MGAM2: variants seen among roughly 807,000 people sequenced by gnomAD.
MGAM2 encodes the protein maltase-glucoamylase 2 (putative), also known as probable maltase-glucoamylase 2.
A neutral mutation model predicts 96.1 loss-of-function variants in MGAM2; 98 were observed. That is an observed-to-expected ratio of 1.02 (90% CI 0.87 to 1.21). The LOEUF is 1.21. Ranked by LOEUF, MGAM2 falls within the 50% of genes most tolerant of loss-of-function variation. The pLI, the probability that MGAM2 is intolerant of heterozygous loss-of-function variation, is 0.00. For synonymous variants in MGAM2, 749 were observed against 414.8 expected, an observed-to-expected ratio of 1.81 and a Z score of -9.79; for missense variants, 2,055 against 1,182.4, an observed-to-expected ratio of 1.74 and a Z score of -10.82.
intron 23 of MGAM2, among the ~76,000 whole-genome samples, chr7:142,163,369 C>T (rs1304023815): frequency 6.6e-6 from 1 of 152,218 alleles, no homozygotes; most frequent in Non-Finnish European, 1.5e-5. Context: ...GCAACCTCCG[C>T]CTCCTGCGTT....
At chr7:142,163,000 T>G (rs1032151991) in intron 23 of MGAM2, among the ~76,000 whole-genome samples, 9 of 152,126 alleles carry the variant, frequency 5.9e-5, no homozygotes, top group African/African-American at 2.2e-4. Context: ...TTTCTATAAT[T>G]TTGTCCTTTC....
rs76981269 is a variant in MGAM2, at chr7:142,190,623, C to T, written c.4346+1118C>T. 8.8e-3 allele frequency among the ~76,000 whole-genome samples: 1,345 copies of T among 152,146 alleles called. 19 individuals are homozygous for T. Among genetic ancestry groups the T allele is most frequent in the African/African-American group, 0.031 (1,285 of 41,518 alleles). ...TGTATGATAAAATGTATAAGAGTTG[C>T]AGTTCCTCCACATCCTTGCCAACAC... On this transcript the variant is annotated intron_variant, in intron 37 of 47. Transcript: ENST00000477922.
At chr7:142,208,530 A>C in intron 45 of MGAM2, 43 bp from the exon 46 acceptor site, 1 of 698,784 alleles carries the variant, frequency 1.4e-6, no homozygotes, top group Non-Finnish European at 2.6e-6. Context: ...CTGCAATTGA[A>C]GCAGTTAGTA....
chr7:142,164,091 T>G (rs1309618400), intron 23 of MGAM2, among the ~76,000 whole-genome samples: 1 of 152,230 alleles, frequency 6.6e-6, no homozygotes, highest in Non-Finnish European at 1.5e-5. Flanking sequence ...AGGTTGGGGT[T>G]CAACCTTTGA....
chr7:142,120,284 C>A lies in MGAM2; in HGVS notation c.107-18C>A, dbSNP rs1237281350. 1.1e-5 allele frequency: 8 copies of A among 702,348 alleles called. No individual in the cohort carries two copies. Among genetic ancestry groups the A allele is most frequent in the Non-Finnish European group, 2.1e-5 (8 of 384,682 alleles). 43.5% of individuals were successfully genotyped at this position (702,348 alleles called of 1,614,324 possible). A position where few individuals can be genotyped will look rare whatever the true frequency, so the allele number is the denominator to read the frequency against. ...TTACACTACACATTTTCAACTTTAT[C>A]CTTTAATTCCTATGCAGATACTTCA... On this transcript the variant is annotated intron_variant, in intron 2 of 47. Transcript: ENST00000477922.
intron 46 of MGAM2, among the ~76,000 whole-genome samples, chr7:142,209,958 A>G (rs892676410): frequency 6.6e-6 from 1 of 152,230 alleles, no homozygotes; most frequent in South Asian, 2.1e-4. Flanking sequence ...TGCAGCTCCC[A>G]GTGAGATCAA....
rs764533519 is a variant in MGAM2 at position 142,161,969 on chromosome 7, A to G, written c.2449A>G (p.Lys817Glu). Residue 817 changes from lysine (K) to glutamate (E), a missense_variant, in exon 23 of 48, where the codon AAG becomes GAG. Physicochemically the swap from Lys to Glu is moderately conservative, Grantham distance 56 (BLOSUM62 1). Coordinates refer to ENST00000477922, the MANE Select transcript of MGAM2 (RefSeq NM_001293626.2). The stretch of plus-strand genomic sequence containing the variant: ...TTCTTTTTTAGATGCTGTGACTGAA[A>G]AGAAGTATATTCTATATGATTTCTC... ...DGVSKDAVTE[K>E]KYILYDFSVT... 1.1e-4 allele frequency: 80 copies of G among 697,730 alleles called. No individual in the cohort carries two copies. The highest frequency in any genetic ancestry group is 2.3e-4 in the Middle Eastern group (1 of 4,368). The allele number at this position is 697,730 out of a possible 1,614,324, so 43.2% of individuals were successfully genotyped here.
At chr7:142,139,197 A>G (rs1795144932) in intron 10 of MGAM2, among the ~76,000 whole-genome samples, 1 of 152,194 alleles carries the variant, frequency 6.6e-6, no homozygotes, top group African/African-American at 2.4e-5. Context: ...TTGAAGCTTC[A>G]TGGTTGCATC....
At chr7:142,185,937 T>C in intron 34 of MGAM2, 52 bp from the exon 35 acceptor site, 1 of 679,984 alleles carries the variant, frequency 1.5e-6, no homozygotes, top group South Asian at 1.5e-5. Context: ...CCATTTGTGG[T>C]CTCCTGTATA....
intron 31 of MGAM2, among the ~76,000 whole-genome samples, chr7:142,174,715 C>CT (rs34480300): frequency 0.022 from 1,901 of 85,368 alleles, 195 homozygotes; most frequent in African/African-American, 0.04. Flanking sequence ...CTCTCTCTCT[C>CT]TTTTTTTTTT....
At chr7:142,142,085 G>A (rs1795247328) in intron 12 of MGAM2, among the ~76,000 whole-genome samples, 1 of 152,052 alleles carries the variant, frequency 6.6e-6, no homozygotes, top group Admixed American at 6.6e-5. Flanking sequence ...GTCTTTTCAG[G>A]GTTATGGATG....
intron 26 of MGAM2, among the ~76,000 whole-genome samples, chr7:142,168,888 A>G (rs907464630): frequency 2.6e-5 from 4 of 152,168 alleles, no homozygotes; most frequent in African/African-American, 4.8e-5. Flanking sequence ...AGTGAATCTC[A>G]ATTCAGACTA....
At chr7:142,203,317 T>A (rs185282411) in intron 45 of MGAM2, among the ~76,000 whole-genome samples, 3 of 152,176 alleles carry the variant, frequency 2.0e-5, no homozygotes, top group African/African-American at 7.2e-5. Flanking sequence ...TTGTTGTAAT[T>A]GCTTTTGGGG....
At chr7:142,212,529 T>C (rs1212214538) in intron 46 of MGAM2, among the ~76,000 whole-genome samples, 1 of 151,926 alleles carries the variant, frequency 6.6e-6, no homozygotes, top group Non-Finnish European at 1.5e-5. Flanking sequence ...AAATGGGAAG[T>C]AAAAAGAAAA....
At chr7:142,179,648 G>A (rs532715602) in intron 32 of MGAM2, among the ~76,000 whole-genome samples, 2 of 152,222 alleles carry the variant, frequency 1.3e-5, no homozygotes, top group East Asian at 3.9e-4. Flanking sequence ...TTTATATGGC[G>A]AATCACATTT....
intron 3 of MGAM2, among the ~76,000 whole-genome samples, chr7:142,125,179 TG>T (rs1794699214): frequency 6.6e-6 from 1 of 152,186 alleles, no homozygotes; most frequent in Non-Finnish European, 1.5e-5. Flanking sequence ...TAAATAACAT[TG>T]AATAAAATAC....
chr7:142,205,857 T>C (rs1240756938), intron 45 of MGAM2, among the ~76,000 whole-genome samples: 1 of 152,136 alleles, frequency 6.6e-6, no homozygotes, highest in Non-Finnish European at 1.5e-5. Flanking sequence ...TAAGAAACCA[T>C]TGCACATTAC....
chr7:142,172,786 C>A lies in MGAM2; in HGVS notation c.3561+22C>A, dbSNP rs146690835. 3,432 of 686,082 alleles carry A rather than the reference C, an allele frequency of 5.0e-3. 11 individuals are homozygous for A. Among genetic ancestry groups the A allele is most frequent in the Non-Finnish European group, 6.4e-3 (2,435 of 379,176 alleles). 42.5% of individuals were successfully genotyped at this position (686,082 alleles called of 1,614,324 possible). A position where few individuals can be genotyped will look rare whatever the true frequency, so the allele number is the denominator to read the frequency against. On this transcript the variant is annotated intron_variant, in intron 30 of 47. Transcript: ENST00000477922. ...AGAGGTTAGAAGCCATTCTGTCCATCAATATATTGTCAAATATTTATTGGC... is the reference window on the plus strand; with the variant it reads ...AGAGGTTAGAAGCCATTCTGTCCATAAATATATTGTCAAATATTTATTGGC...
intron 9 of MGAM2, among the ~76,000 whole-genome samples, chr7:142,137,853 T>G (rs762256474): frequency 6.6e-6 from 1 of 152,218 alleles, no homozygotes; most frequent in Non-Finnish European, 1.5e-5. Context: ...TAAGTTAAAA[T>G]TCAGTGAAAA....
Sources: allele counts gnomAD v4.1 joint callset (sites outside exome capture counted in the v4.1 genomes callset), GRCh38; gene constraint gnomAD v4.1.1; transcripts MANE v1.5; gene names NCBI Gene and HGNC (gene_info 2026-07-23, HGNC 2026-07-21).